Variants in ARHGAP39 observed in about 807,000 individuals in gnomAD.
ARHGAP39 encodes Rho GTPase activating protein 39.
ARHGAP39 carries 44 observed loss-of-function variants against 106.9 expected under a neutral mutation model. That is an observed-to-expected ratio of 0.41 (90% CI 0.32 to 0.53). The LOEUF (loss-of-function observed/expected upper bound fraction) is 0.53. Among genes scored for constraint, ARHGAP39 ranks in the 20% least tolerant of loss-of-function variants. ARHGAP39 has a pLI of 0.21. For missense variants in ARHGAP39, 1,496 were observed against 1,577.3 expected, an observed-to-expected ratio of 0.95 and a Z score of 0.87; for synonymous variants, 768 against 693.2, an observed-to-expected ratio of 1.11 and a Z score of -1.69.
intron 2 of ARHGAP39, among the ~76,000 whole-genome samples, chr8:144,581,498 T>TG (rs764141918): frequency 6.6e-6 from 1 of 152,204 alleles, no homozygotes; most frequent in Non-Finnish European, 1.5e-5. Flanking sequence ...TGCAGCCCTT[T>TG]GGGGGGTCCT....
chr8:144,662,104 C>T (rs1053852446), intron 1 of ARHGAP39, among the ~76,000 whole-genome samples: 4 of 150,960 alleles, frequency 2.6e-5, no homozygotes, highest in African/African-American at 7.3e-5. Context: ...TGCTCCCCTT[C>T]CCCATTATCC....
intron 6 of ARHGAP39, among the ~76,000 whole-genome samples, chr8:144,539,874 G>C (rs1424244270): frequency 6.6e-6 from 1 of 152,104 alleles, no homozygotes; most frequent in East Asian, 1.9e-4. Context: ...GCTATTCTAG[G>C]TCCTTTGTAG....
At chr8:144,601,167 T>C (rs540012336) in intron 2 of ARHGAP39, among the ~76,000 whole-genome samples, 1 of 140,188 alleles carries the variant, frequency 7.1e-6, no homozygotes, top group East Asian at 2.4e-4. Flanking sequence ...TGTGTGTGCA[T>C]GGAGGCGTGC....
At chr8:144,532,705 T>C (rs1173449192) in intron 9 of ARHGAP39, among the ~76,000 whole-genome samples, 1 of 152,134 alleles carries the variant, frequency 6.6e-6, no homozygotes, top group African/African-American at 2.4e-5. Context: ...CAAGCCTCAG[T>C]TTCCCCAGCT....
chr8:144,694,621 G>GT, the ARHGAP39 span, among the ~76,000 whole-genome samples: 1 of 152,212 alleles, frequency 6.6e-6, no homozygotes, highest in Non-Finnish European at 1.5e-5. Flanking sequence ...TAACATTGGA[G>GT]TTTCAGGCCT....
rs1253400832 is a variant in ARHGAP39, at chr8:144,529,579, AAAG to A, written c.*840_*842del. 3 of 151,888 alleles carry A rather than the reference AAAG, an allele frequency of 2.0e-5. No homozygotes were observed. Among genetic ancestry groups the A allele is most frequent in the Non-Finnish European group, 4.4e-5 (3 of 68,042 alleles). The allele number at this position is 151,888 out of a possible 1,614,324, so 9.4% of individuals were successfully genotyped here. On this transcript the variant is annotated 3_prime_UTR_variant, in exon 12 of 12. Transcript: ENST00000377307. ...AGCCAAGAAAAAAGATCGGAGAAGA[AAAG>A]AAGGAATGACCTCAACTTGCTCTGC...
At chr8:144,698,918 A>G in the ARHGAP39 span, 8 of 455,504 alleles carry the variant, frequency 1.8e-5, no homozygotes, top group South Asian at 1.2e-4. Flanking sequence ...AGATGTGAAT[A>G]AACATGGAGT....
Position 144,530,035 on chromosome 8 carries a change from G to A in ARHGAP39, c.*387C>T, listed in dbSNP as rs1183662263. On this transcript the variant is annotated 3_prime_UTR_variant, in exon 12 of 12. Transcript: ENST00000377307. Reference sequence around the variant, plus strand: ...CGAGGACAGGAGAAAGGGAAGGAGAGACCGGGGCGGCTGGGCAAGGCCCAG... The same window carrying A: ...CGAGGACAGGAGAAAGGGAAGGAGAAACCGGGGCGGCTGGGCAAGGCCCAG... The A allele has an allele frequency of 4.5e-6, 1 of 222,652 alleles. No individual in the cohort carries two copies. The highest frequency in any genetic ancestry group is 8.9e-6 in the Non-Finnish European group (1 of 112,734). The allele number at this position is 222,652 out of a possible 1,614,324, so 13.8% of individuals were successfully genotyped here.
intron 2 of ARHGAP39, among the ~76,000 whole-genome samples, chr8:144,592,133 T>C (rs1819425598): frequency 6.6e-6 from 1 of 152,208 alleles, no homozygotes; most frequent in Non-Finnish European, 1.5e-5. Context: ...AATGGGATAA[T>C]TCTCTCAACA....
intron 6 of ARHGAP39, among the ~76,000 whole-genome samples, chr8:144,542,314 G>A (rs961379407): frequency 1.3e-5 from 2 of 152,170 alleles, no homozygotes; most frequent in Non-Finnish European, 2.9e-5. Context: ...GCTAAGCTGG[G>A]GGCATCACCT....
At chr8:144,598,592 C>T (rs1246080593) in intron 2 of ARHGAP39, among the ~76,000 whole-genome samples, 4 of 152,162 alleles carry the variant, frequency 2.6e-5, no homozygotes, top group Non-Finnish European at 4.4e-5. Context: ...CGGGGACAGC[C>T]GGATGCATGT....
At chr8:144,685,160 T>C (rs1822549093) in intron 1 of ARHGAP39, among the ~76,000 whole-genome samples, 2 of 138,722 alleles carry the variant, frequency 1.4e-5, no homozygotes, top group South Asian at 2.4e-4. Flanking sequence ...CACACCTCCC[T>C]CGGGCAGGAG....
intron 1 of ARHGAP39, among the ~76,000 whole-genome samples, chr8:144,655,488 G>A (rs1423131012): frequency 6.6e-6 from 1 of 152,104 alleles, no homozygotes. Context: ...GCCAGCTGCA[G>A]AGAGGAGCTA....
Position 144,684,853 on chromosome 8 carries a change from C to T in ARHGAP39, c.-82+833G>A, listed in dbSNP as rs935997302. On this transcript the variant is annotated intron_variant, in intron 1 of 11. Transcript: ENST00000377307. This position sits in a 1 kb window ranked among gnomAD's most constrained non-coding sequence, Gnocchi z 4.4. ...GAGGCGAGGCCGCAGAGCCCACCCGCAGGCGGCCATGACCCCACCTGGAGA... is the reference window on the plus strand; with the variant it reads ...GAGGCGAGGCCGCAGAGCCCACCCGTAGGCGGCCATGACCCCACCTGGAGA... 2.0e-5 allele frequency among the ~76,000 whole-genome samples: 3 copies of T among 152,242 alleles called. No individual in the cohort carries two copies. The highest frequency in any genetic ancestry group is 7.2e-5 in the African/African-American group (3 of 41,470).
intron 4 of ARHGAP39, among the ~76,000 whole-genome samples, chr8:144,553,650 G>A (rs545652392): frequency 2.0e-5 from 3 of 152,340 alleles, no homozygotes; most frequent in East Asian, 1.9e-4. Flanking sequence ...AGGTCTCAGC[G>A]ACAGGATGAC....
chr8:144,590,830 T>C (rs1274023707), intron 2 of ARHGAP39, among the ~76,000 whole-genome samples: 13 of 151,802 alleles, frequency 8.6e-5, no homozygotes, highest in Non-Finnish European at 1.5e-5. Flanking sequence ...GCCAGAGGCT[T>C]GTCTCCTCCT....
Position 144,547,869 on chromosome 8 carries a change from G to A in ARHGAP39, c.1217C>T (p.Ser406Phe). 1 of 1,584,856 alleles carries A rather than the reference G, an allele frequency of 6.3e-7. No homozygotes were observed. The highest frequency in any genetic ancestry group is 2.3e-5 in the East Asian group (1 of 43,198). The part of the protein sequence containing the change: ...RQLVYVEQAG[S>F]SPKLRAGPRH... ...CGGGCCGGCGCGCAGCTTGGGGCTG[G>A]AGCCCGCCTGCTCCACGTAGACCAG... is the stretch of plus-strand genomic sequence containing the variant. The change falls in exon 5 of 12, where the codon TCC becomes TTC. Residue 406 changes from serine (S) to phenylalanine (F), a missense_variant. Around this residue, in one of 4 missense-constraint regions of ARHGAP39, gnomAD observed 905 missense variants for 816.4 expected, o/e 1.11. Coordinates refer to ENST00000377307, the MANE Select transcript of ARHGAP39 (RefSeq NM_025251.3). This position sits in a 1 kb window ranked among gnomAD's most constrained non-coding sequence, Gnocchi z 5.2.
intron 1 of ARHGAP39, among the ~76,000 whole-genome samples, chr8:144,675,603 G>GT (rs1271958879): frequency 1.3e-5 from 2 of 151,774 alleles, no homozygotes; most frequent in Admixed American, 6.6e-5. Flanking sequence ...GACCTTTGTG[G>GT]TTAGTGTTAC....
Position 144,548,146 on chromosome 8 carries a change from C to G in ARHGAP39, c.940G>C (p.Glu314Gln), listed in dbSNP as rs751287574. 2.3e-5 allele frequency: 36 copies of G among 1,568,828 alleles called. No individual in the cohort carries two copies. The highest frequency in any genetic ancestry group is 3.0e-5 in the Non-Finnish European group (35 of 1,156,638). The part of the protein sequence containing the change: ...PRYGYEPPLY[E>Q]EPPVEYQAPI... ...GCCTGGTACTCCACTGGGGGCTCCT[C>G]GTAGAGCGGGGGTTCATAGCCATAG... The change falls in exon 5 of 12, where the codon GAG (glutamate) becomes CAG (glutamine). Residue 314 changes from glutamate (E) to glutamine (Q), a missense_variant. Around this residue, in one of 4 missense-constraint regions of ARHGAP39, gnomAD observed 905 missense variants for 816.4 expected, o/e 1.11. Coordinates refer to ENST00000377307, the MANE Select transcript of ARHGAP39 (RefSeq NM_025251.3). This position sits in a 1 kb window ranked among gnomAD's most constrained non-coding sequence, Gnocchi z 7.4.
Sources: gnomAD v4.1 joint callset for allele counts (sites outside exome capture counted in the v4.1 genomes callset) on GRCh38, gnomAD v4.1.1 for gene constraint, gnomAD v4.1.1 regional missense constraint, Gnocchi (gnomAD v3.1) non-coding constraint, MANE v1.5 for transcripts, NCBI Gene and HGNC (gene_info 2026-07-23, HGNC 2026-07-21) for gene names.